The following PPA2 variants were observed in gnomAD, a reference collection of about 807,000 sequenced individuals.
PPA2 encodes the protein inorganic pyrophosphatase 2, mitochondrial.
In PPA2, 48 loss-of-function variants were observed where a neutral mutation model predicts 49.5. The ratio of observed to expected loss-of-function variants is 0.97; its 90% CI spans 0.77 to 1.23. The LOEUF (loss-of-function observed/expected upper bound fraction) is 1.23, where lower values mean the gene tolerates loss of function less well. Ranked by LOEUF, PPA2 falls within the 50% of genes most tolerant of loss-of-function variation. PPA2 has a pLI of 0.00. For synonymous variants in PPA2, 131 were observed against 139.9 expected, an observed-to-expected ratio of 0.94 and a Z score of 0.45; for missense variants, 429 against 410.1, an observed-to-expected ratio of 1.05 and a Z score of -0.40.
intron 7 of PPA2, chr4:105,405,907 T>G: frequency 2.2e-6 from 1 of 452,306 alleles, no homozygotes; most frequent in Non-Finnish European, 4.4e-6. Context: ...GAAGGCAGGA[T>G]GACTATGCGA....
intron 7 of PPA2, among the ~76,000 whole-genome samples, chr4:105,402,054 T>G (rs1169738037): frequency 6.6e-6 from 1 of 152,208 alleles, no homozygotes; most frequent in African/African-American, 2.4e-5. Context: ...TTTGTCTTTA[T>G]GAAGTTAATT....
chr4:105,398,924 G>T, intron 8 of PPA2, 113 bp downstream of exon 8: 1 of 1,059,196 alleles, frequency 9.4e-7, no homozygotes, highest in Non-Finnish European at 1.3e-6. Context: ...TTAGTAAAAA[G>T]CACTTTTTTA....
intron 6 of PPA2, among the ~76,000 whole-genome samples, chr4:105,429,657 G>GT (rs1723707083): frequency 6.6e-6 from 1 of 152,032 alleles, no homozygotes; most frequent in South Asian, 2.1e-4. Flanking sequence ...GAAATTTAAG[G>GT]TATCTACTAG....
chr4:105,397,248 G>A (rs1420668205), intron 8 of PPA2, among the ~76,000 whole-genome samples: 1 of 151,986 alleles, frequency 6.6e-6, no homozygotes, highest in Non-Finnish European at 1.5e-5. Context: ...AGTAATAATG[G>A]GAAATTTATC....
At chr4:105,466,306 T>C (rs1185346729) in intron 1 of PPA2, among the ~76,000 whole-genome samples, 1 of 151,984 alleles carries the variant, frequency 6.6e-6, no homozygotes, top group Non-Finnish European at 1.5e-5. Flanking sequence ...CTTGAATATA[T>C]GCACTGTACT....
chr4:105,405,333 G>A (rs189218350), intron 7 of PPA2: 1 of 763,966 alleles, frequency 1.3e-6, no homozygotes, highest in Non-Finnish European at 1.6e-6. Context: ...TACACATATA[G>A]TTTTTCACTT....
At chr4:105,427,470 G>T (rs564276683) in intron 6 of PPA2, among the ~76,000 whole-genome samples, 1 of 152,188 alleles carries the variant, frequency 6.6e-6, no homozygotes, top group African/African-American at 2.4e-5. Context: ...TAGACGAATG[G>T]CTAACTAGAA....
At chr4:105,428,167 C>T (rs1414990821) in intron 6 of PPA2, among the ~76,000 whole-genome samples, 2 of 152,098 alleles carry the variant, frequency 1.3e-5, no homozygotes, top group Non-Finnish European at 2.9e-5. Context: ...TTTGTCACCA[C>T]GACGCCTGCT....
At chr4:105,473,632 G>A in intron 1 of PPA2, 1 of 714,402 alleles carries the variant, frequency 1.4e-6, no homozygotes, top group East Asian at 2.8e-5. Flanking sequence ...GCAGGGCACA[G>A]GGCGCTATCT....
intron 4 of PPA2, among the ~76,000 whole-genome samples, chr4:105,447,370 A>C (rs1722435388): frequency 6.6e-6 from 1 of 152,208 alleles, no homozygotes. Flanking sequence ...GTGGAATTAT[A>C]GTTACAGAGG....
At chr4:105,385,599 T>C (rs1185852840) in intron 10 of PPA2, among the ~76,000 whole-genome samples, 1 of 152,136 alleles carries the variant, frequency 6.6e-6, no homozygotes, top group Non-Finnish European at 1.5e-5. Context: ...ATTTCTAGCC[T>C]AAGATCACTC....
chr4:105,458,854 A>C (rs1255865074), intron 1 of PPA2, among the ~76,000 whole-genome samples: 2 of 150,064 alleles, frequency 1.3e-5, no homozygotes, highest in African/African-American at 4.9e-5. Context: ...AAGGCATGTA[A>C]CTTAACAATG....
Position 105,396,686 on chromosome 4 carries a change from G to C in PPA2, c.784-352C>G, listed in dbSNP as rs148175113. The stretch of plus-strand genomic sequence containing the variant: ...TTGGCCTATGCTGCTCTAGTACTAC[G>C]ATAGCAGAGTTGAGCAGCTGTGACA... On this transcript the variant is annotated intron_variant, in intron 8 of 11. Transcript: ENST00000341695. Among the ~76,000 whole-genome samples the C allele has an allele frequency of 1.2e-4, 18 of 152,218 alleles. No homozygotes were observed. The East Asian group carries it at 3.3e-3, about 28-fold the overall frequency.
intron 1 of PPA2, among the ~76,000 whole-genome samples, chr4:105,462,169 G>A (rs1035154509): frequency 1.5e-4 from 23 of 151,920 alleles, no homozygotes; most frequent in African/African-American, 4.4e-4. Flanking sequence ...AACACATGCC[G>A]TTATTTTTAA....
intron 7 of PPA2, among the ~76,000 whole-genome samples, chr4:105,420,248 A>G (rs1031473450): frequency 2.0e-5 from 3 of 152,146 alleles, no homozygotes; most frequent in African/African-American, 7.2e-5. Flanking sequence ...AAGATAGTAG[A>G]AACTAATAGG....
intron 10 of PPA2, among the ~76,000 whole-genome samples, chr4:105,371,813 T>C (rs111956621): frequency 7.9e-5 from 12 of 152,282 alleles, no homozygotes; most frequent in African/African-American, 2.9e-4. Flanking sequence ...AATACCTTTG[T>C]AATGACCTGG....
At chr4:105,402,235 C>A (rs539295477) in intron 7 of PPA2, among the ~76,000 whole-genome samples, 12 of 150,494 alleles carry the variant, frequency 8.0e-5, no homozygotes, top group African/African-American at 2.9e-4. Flanking sequence ...AGTGAGACCC[C>A]ATCTAAAAAT....
chr4:105,370,994 G>C (rs1578786784), intron 10 of PPA2, 121 bp from the exon 11 acceptor site: 2 of 928,154 alleles, frequency 2.2e-6, no homozygotes, highest in South Asian at 3.3e-5. Flanking sequence ...TCTCTAACCT[G>C]AAAAAGGTAA....
intron 9 of PPA2, among the ~76,000 whole-genome samples, chr4:105,391,908 T>C (rs1371227980): frequency 2.1e-5 from 3 of 143,670 alleles, no homozygotes; most frequent in African/African-American, 5.8e-5. Flanking sequence ...AAATAAAGCA[T>C]TACTTTATGA....
Sources: gnomAD v4.1 joint callset for allele counts (sites outside exome capture counted in the v4.1 genomes callset) on GRCh38, gnomAD v4.1.1 for gene constraint, MANE v1.5 for transcripts, NCBI Gene and HGNC (gene_info 2026-07-23, HGNC 2026-07-21) for gene names.